The following ZNF385D variants were observed in gnomAD, a reference collection of about 807,000 sequenced individuals.
The protein encoded by ZNF385D is zinc finger protein 659.
A neutral mutation model predicts 35.8 loss-of-function variants in ZNF385D; 15 were observed. That is an observed-to-expected ratio of 0.42 (90% confidence interval 0.28 to 0.64). The LOEUF (loss-of-function observed/expected upper bound fraction) is 0.64. Ranked by LOEUF, ZNF385D falls within the 30% of genes least tolerant of loss-of-function variation. The pLI is 0.23. For missense variants in ZNF385D, 474 were observed against 494.6 expected (o/e 0.96, Z 0.39); for synonymous variants, 212 against 186.8 (o/e 1.13, Z -1.10).
intron 2 of ZNF385D, among the ~76,000 whole-genome samples, chr3:22,273,948 T>C (rs1310402677): frequency 2.0e-5 from 3 of 152,044 alleles, no homozygotes; most frequent in South Asian, 2.1e-4. Flanking sequence ...AGGAGAGATG[T>C]TGGATACCAT....
chr3:22,365,249 T>A (rs905232118), intron 2 of ZNF385D, among the ~76,000 whole-genome samples: 6 of 152,072 alleles, frequency 3.9e-5, no homozygotes, highest in Admixed American at 6.6e-5. Context: ...TTTCATATTA[T>A]ATATATTTAT....
At chr3:22,109,680 T>C (rs563576229) in intron 3 of ZNF385D, among the ~76,000 whole-genome samples, 12 of 152,210 alleles carry the variant, frequency 7.9e-5, no homozygotes, top group African/African-American at 2.9e-4. Flanking sequence ...GGTGCTCCTG[T>C]ATTGGGGGCA....
intron 3 of ZNF385D, among the ~76,000 whole-genome samples, chr3:21,936,116 A>G (rs1701243470): frequency 6.6e-6 from 1 of 151,968 alleles, no homozygotes. Flanking sequence ...AGGAGGTGAG[A>G]GAGGGAGGAG....
intron 3 of ZNF385D, among the ~76,000 whole-genome samples, chr3:21,891,032 A>G (rs1375235636): frequency 6.6e-6 from 1 of 152,204 alleles, no homozygotes; most frequent in East Asian, 1.9e-4. Context: ...TTTGGATTTT[A>G]CCTTTGACAA....
chr3:22,136,522 T>G (rs1406003084), intron 3 of ZNF385D, among the ~76,000 whole-genome samples: 1 of 152,152 alleles, frequency 6.6e-6, no homozygotes, highest in Non-Finnish European at 1.5e-5. Flanking sequence ...AAATGATCCA[T>G]TTTCAGAATA....
intron 3 of ZNF385D, among the ~76,000 whole-genome samples, chr3:21,833,967 C>A (rs1559672157): frequency 6.6e-6 from 1 of 151,962 alleles, no homozygotes; most frequent in South Asian, 2.1e-4. Context: ...TAGAAGAGTT[C>A]TTTAATTGAA....
Position 22,246,951 on chromosome 3 carries a change from GCACA to G in ZNF385D, c.107-77920_107-77917del, listed in dbSNP as rs140369350. Reference sequence around the variant, plus strand: ...TACCTTTTGTCAATCATACATACGTGCACACACACAATTTCAATTTATAGATACA... The same window carrying G: ...TACCTTTTGTCAATCATACATACGTGCACACAATTTCAATTTATAGATACA... On this transcript the variant is annotated intron_variant, in intron 2 of 5. Transcript: ENST00000494108. 9.5e-3 allele frequency among the ~76,000 whole-genome samples: 1,439 copies of G among 152,150 alleles called. 29 individuals are homozygous for G. Among genetic ancestry groups the G allele is most frequent in the African/African-American group, 0.032 (1,349 of 41,520 alleles).
intron 3 of ZNF385D, among the ~76,000 whole-genome samples, chr3:21,885,515 T>A (rs1313625921): frequency 1.3e-5 from 2 of 152,102 alleles, no homozygotes; most frequent in East Asian, 1.9e-4. Context: ...ACTCCATTTG[T>A]CAAATCATGC....
chr3:21,988,712 T>C (rs10470649), intron 3 of ZNF385D, among the ~76,000 whole-genome samples: 10,288 of 150,728 alleles, frequency 0.068, 900 homozygotes, highest in African/African-American at 0.23. Flanking sequence ...TGGAGCTTCC[T>C]GGCTGCTTTG....
At chr3:22,226,767 C>A (rs1393919763) in intron 2 of ZNF385D, among the ~76,000 whole-genome samples, 1 of 152,144 alleles carries the variant, frequency 6.6e-6, no homozygotes, top group Non-Finnish European at 1.5e-5. Flanking sequence ...ACCCTCTTCA[C>A]TTGTCTTGCT....
chr3:21,670,647 G>GCCCCCC lies in ZNF385D; in HGVS notation c.23-5620_23-5619insGGGGGG, dbSNP rs1575432248. 4.4e-4 allele frequency among the ~76,000 whole-genome samples: 7 copies of GCCCCCC among 15,756 alleles called. 2 individuals carry two copies. The highest frequency in any genetic ancestry group is 1.2e-3 in the African/African-American group (5 of 4,072). The allele number at this position is 15,756 out of a possible 152,430, so 10.3% of individuals were successfully genotyped here. ...CTGAGAAATAAAAATGAAATCCTAA[G>GCCCCCC]GCGCCCCCCCCCCCCCCCCCCCCCC... On this transcript the variant is annotated intron_variant, in intron 1 of 7. Coordinates refer to ENST00000281523, the MANE Select transcript of ZNF385D (RefSeq NM_024697.3).
chr3:21,844,395 G>A (rs1170967241), intron 3 of ZNF385D, among the ~76,000 whole-genome samples: 1 of 139,818 alleles, frequency 7.2e-6, no homozygotes, highest in Non-Finnish European at 1.5e-5. Context: ...GTGCTTTCTT[G>A]GGGATTTTGA....
intron 3 of ZNF385D, among the ~76,000 whole-genome samples, chr3:21,936,471 A>G (rs1701263418): frequency 6.6e-6 from 1 of 151,818 alleles, no homozygotes; most frequent in Non-Finnish European, 1.5e-5. Flanking sequence ...TACTGTTACT[A>G]GCCCTACTCT....
intron 3 of ZNF385D, among the ~76,000 whole-genome samples, chr3:22,098,038 A>G (rs984250738): frequency 6.6e-6 from 1 of 152,076 alleles, no homozygotes; most frequent in African/African-American, 2.4e-5. Context: ...CTCACAGGCT[A>G]GGGAAATACC....
chr3:21,599,169 C>A (rs2064209618), intron 2 of ZNF385D, among the ~76,000 whole-genome samples: 1 of 152,144 alleles, frequency 6.6e-6, no homozygotes, highest in Admixed American at 6.5e-5. Flanking sequence ...ACATCCAGTC[C>A]TCTCGGCAAA....
At chr3:22,222,583 T>C (rs1484207544) in intron 2 of ZNF385D, among the ~76,000 whole-genome samples, 1 of 152,160 alleles carries the variant, frequency 6.6e-6, no homozygotes, top group African/African-American at 2.4e-5. Context: ...TAACAGGAAC[T>C]AGCAGGACAA....
At chr3:22,099,778 T>G (rs531354677) in intron 3 of ZNF385D, among the ~76,000 whole-genome samples, 1 of 151,994 alleles carries the variant, frequency 6.6e-6, no homozygotes, top group South Asian at 2.1e-4. Context: ...ATTGGGGTCT[T>G]TGTAAAGGTC....
chr3:21,529,772 G>A (rs77598018), intron 3 of ZNF385D, among the ~76,000 whole-genome samples: 1,724 of 152,296 alleles, frequency 0.011, 25 homozygotes, highest in African/African-American at 0.039. Flanking sequence ...AACTAAGTTT[G>A]TATTTACTGG....
At chr3:21,626,324 T>C (rs2065133008) in intron 2 of ZNF385D, among the ~76,000 whole-genome samples, 1 of 152,080 alleles carries the variant, frequency 6.6e-6, no homozygotes, top group Non-Finnish European at 1.5e-5. Flanking sequence ...TGCCAGAAAC[T>C]ATGCTACATG....
Sources: gnomAD v4.1 joint callset for allele counts (sites outside exome capture counted in the v4.1 genomes callset) on GRCh38, gnomAD v4.1.1 for gene constraint, MANE v1.5 for transcripts, NCBI Gene and HGNC (gene_info 2026-07-23, HGNC 2026-07-21) for gene names.